SLC38A6: variants seen among roughly 807,000 people sequenced by gnomAD.
The protein encoded by SLC38A6 is solute carrier family 38 member 6.
SLC38A6 carries 73 observed loss-of-function variants against 65.0 expected under a neutral mutation model. That is an observed-to-expected ratio of 1.12 (90% CI 0.93 to 1.37). SLC38A6 has a LOEUF of 1.37. Ranked by LOEUF, SLC38A6 falls within the 40% of genes most tolerant of loss-of-function variation. The probability of loss-of-function intolerance (pLI) is 0.00; values close to 1 mark genes in which losing one functional copy is unlikely to be tolerated. For synonymous variants in SLC38A6, 183 were observed against 178.8 expected (o/e 1.02, Z -0.19); for missense variants, 561 against 531.1 (o/e 1.06, Z -0.55).
intron 8 of SLC38A6, among the ~76,000 whole-genome samples, chr14:61,041,815 G>A (rs2041834058): frequency 6.6e-6 from 1 of 152,086 alleles, no homozygotes; most frequent in African/African-American, 2.4e-5. Context: ...TGGAAGGATG[G>A]TTTGAGCCTG....
chr14:61,018,109 G>T (rs1595097813), intron 4 of SLC38A6, among the ~76,000 whole-genome samples: 2 of 152,194 alleles, frequency 1.3e-5, no homozygotes, highest in South Asian at 2.1e-4. Flanking sequence ...AGATATTCTA[G>T]CTTTCAAGAT....
In SLC38A6 at chr14:61,050,659, G is replaced by A. The variant is rs927385104; in HGVS notation, c.1050+23G>A. On this transcript the variant is annotated intron_variant, in intron 13 of 15. Transcript: ENST00000267488. The stretch of plus-strand genomic sequence containing the variant: ...CCTGTAAGTACTCTTAAAGGGTTTT[G>A]TTGCCTAGTATAGACGCTTCCTAAT... 4 of 1,520,330 alleles carry A rather than the reference G, an allele frequency of 2.6e-6. No homozygotes were observed. In the African/African-American group the frequency reaches 5.5e-5, roughly 21 times the overall value. The allele number at this position is 1,520,330 out of a possible 1,614,324, so 94.2% of individuals were successfully genotyped here.
intron 16 of SLC38A6, among the ~76,000 whole-genome samples, chr14:61,082,798 C>T (rs751245288): frequency 6.6e-6 from 1 of 152,170 alleles, no homozygotes; most frequent in Non-Finnish European, 1.5e-5. Flanking sequence ...CCTCTGCCTG[C>T]ACTCCAGGAC....
intron 3 of SLC38A6, among the ~76,000 whole-genome samples, chr14:61,001,324 T>G (rs1052489354): frequency 6.6e-6 from 1 of 152,222 alleles, no homozygotes; most frequent in African/African-American, 2.4e-5. Context: ...CTGGCAACAT[T>G]ATGTGTGTGC....
At chr14:60,986,051 A>C (rs1463877595) in intron 3 of SLC38A6, among the ~76,000 whole-genome samples, 1 of 152,222 alleles carries the variant, frequency 6.6e-6, no homozygotes, top group Non-Finnish European at 1.5e-5. Context: ...CCCTACCTCC[A>C]ACACTGGGGA....
chr14:61,010,930 G>T (rs1475825509), intron 3 of SLC38A6, among the ~76,000 whole-genome samples: 1 of 152,140 alleles, frequency 6.6e-6, no homozygotes, highest in African/African-American at 2.4e-5. Flanking sequence ...AAAGTCATTG[G>T]TAGCTCGTTG....
At chr14:61,049,296 T>TC (rs1171373227) in intron 12 of SLC38A6, among the ~76,000 whole-genome samples, 2 of 152,196 alleles carry the variant, frequency 1.3e-5, no homozygotes, top group East Asian at 3.8e-4. Context: ...ACACACTGTT[T>TC]CATCCACTGT....
intron 5 of SLC38A6, among the ~76,000 whole-genome samples, chr14:61,027,640 T>C (rs1184689434): frequency 6.6e-6 from 1 of 152,152 alleles, no homozygotes; most frequent in African/African-American, 2.4e-5. Flanking sequence ...GAGCTGATTG[T>C]TCTTTTGTAT....
intron 15 of SLC38A6, among the ~76,000 whole-genome samples, chr14:61,061,079 C>G (rs185925769): frequency 3.3e-5 from 5 of 152,222 alleles, no homozygotes; most frequent in Admixed American, 1.3e-4. Context: ...AATCACCCGT[C>G]TTCTGCGTCG....
At position 61,051,873 on chromosome 14, in the gene SLC38A6, TATC is replaced by T. The variant is rs2042523839; in HGVS notation, c.1141_1143del (p.Ile381del). ...TTTTGATCACTCTAGCACTCAATATTATCATCGTTTTACTTGCAATATATGTTC... is the reference window on the plus strand; with the variant it reads ...TTTTGATCACTCTAGCACTCAATATTATCGTTTTACTTGCAATATATGTTC... On this transcript the variant is annotated inframe_deletion, in exon 14 of 16. Transcript: ENST00000267488. 1 of 1,612,188 alleles carries T rather than the reference TATC, an allele frequency of 6.2e-7. No individual in the cohort carries two copies. Among genetic ancestry groups the T allele is most frequent in the Non-Finnish European group, 8.5e-7 (1 of 1,179,310 alleles).
At chr14:61,068,822 A>G (rs903330610) in intron 15 of SLC38A6, among the ~76,000 whole-genome samples, 7 of 152,214 alleles carry the variant, frequency 4.6e-5, no homozygotes, top group African/African-American at 1.7e-4. Context: ...AGTGCCTGGT[A>G]CTTTGGAGTG....
In SLC38A6 at chr14:61,037,641, A is replaced by T; in HGVS notation, c.582A>T (p.Thr194=). The T allele has an allele frequency of 6.3e-7, 1 of 1,594,738 alleles. No individual in the cohort carries two copies. Among genetic ancestry groups the T allele is most frequent in the African/African-American group, 1.3e-5 (1 of 74,522 alleles). Residue 194 remains threonine (T), a synonymous_variant, in exon 8 of 16, where the codon ACA becomes ACT. Transcript: ENST00000267488. ...LLPKIGFLGY[T]SSLSFFFMMF... ...ATTTTACAGGCTTTCTTGGCTACAC[A>T]AGTAGTTTATCATTTTTCTTTATGA...
intron 3 of SLC38A6, among the ~76,000 whole-genome samples, chr14:61,013,202 G>A (rs916645146): frequency 1.3e-5 from 2 of 152,080 alleles, no homozygotes; most frequent in Non-Finnish European, 2.9e-5. Flanking sequence ...GACTAGGATT[G>A]CAACCCCTGC....
At chr14:61,067,763 A>G (rs1324174807) in intron 15 of SLC38A6, among the ~76,000 whole-genome samples, 1 of 152,084 alleles carries the variant, frequency 6.6e-6, no homozygotes, top group Non-Finnish European at 1.5e-5. Flanking sequence ...ATACATACAT[A>G]TGTATCTGTT....
At chr14:61,065,056 A>T (rs560026332) in intron 15 of SLC38A6, among the ~76,000 whole-genome samples, 1 of 152,112 alleles carries the variant, frequency 6.6e-6, no homozygotes, top group Non-Finnish European at 1.5e-5. Context: ...AGACAGCAGT[A>T]GGTTGATTTA....
intron 15 of SLC38A6, among the ~76,000 whole-genome samples, chr14:61,062,818 TTACA>T (rs1403913927): frequency 1.3e-5 from 2 of 152,272 alleles, no homozygotes; most frequent in East Asian, 3.9e-4. Flanking sequence ...ATAGCTGGAA[TTACA>T]GGCGCACGCC....
intron 15 of SLC38A6, among the ~76,000 whole-genome samples, chr14:61,066,403 G>A (rs1002283980): frequency 2.6e-5 from 4 of 152,054 alleles, no homozygotes; most frequent in African/African-American, 9.7e-5. Context: ...CAATTATAAG[G>A]AACAGGAAGA....
At chr14:61,008,070 T>TTAA (rs2039282892) in intron 3 of SLC38A6, among the ~76,000 whole-genome samples, 1 of 152,166 alleles carries the variant, frequency 6.6e-6, no homozygotes, top group Non-Finnish European at 1.5e-5. Context: ...CTTGTAAAAT[T>TTAA]ATTAGTCTTT....
At chr14:61,019,940 C>A (rs895768171) in intron 5 of SLC38A6, among the ~76,000 whole-genome samples, 1 of 152,096 alleles carries the variant, frequency 6.6e-6, no homozygotes, top group African/African-American at 2.4e-5. Context: ...TTGGCAGATA[C>A]TACTTTAGAG....
Sources: gnomAD v4.1 joint callset for allele counts (sites outside exome capture counted in the v4.1 genomes callset) on GRCh38, gnomAD v4.1.1 for gene constraint, MANE v1.5 for transcripts, NCBI Gene and HGNC (gene_info 2026-07-23, HGNC 2026-07-21) for gene names.